CUX1: variants seen among roughly 807,000 people sequenced by gnomAD.
The protein encoded by CUX1 is cut like homeobox 1.
Under a neutral mutation model 158.8 loss-of-function variants are expected in CUX1, and 31 were observed. That is an observed-to-expected ratio of 0.20 (90% confidence interval 0.15 to 0.26). The LOEUF is 0.26. Among genes scored for constraint, CUX1 ranks in the 10% least tolerant of loss-of-function variants. CUX1 has a pLI of 1.00. For synonymous variants in CUX1, 879 were observed against 862.1 expected, an observed-to-expected ratio of 1.02 and a Z score of -0.34; for missense variants, 1,589 against 2,014.6, an observed-to-expected ratio of 0.79 and a Z score of 4.04.
intron 8 of CUX1, among the ~76,000 whole-genome samples, chr7:102,120,437 C>T (rs1172361859): frequency 2.6e-5 from 4 of 152,156 alleles, no homozygotes; most frequent in Admixed American, 6.6e-5. Context: ...GAATTTGCAC[C>T]TCCCAAACCT....
chr7:102,178,607 C>G lies in CUX1; in HGVS notation c.967C>G (p.Gln323Glu). The G allele has an allele frequency of 6.2e-7, 1 of 1,611,580 alleles. No homozygotes were observed. Among genetic ancestry groups the G allele is most frequent in the Non-Finnish European group, 8.5e-7 (1 of 1,178,872 alleles). Residue 323 changes from glutamine (Q) to glutamate (E), a missense_variant, in exon 11 of 24, where the codon CAG becomes GAG. By Grantham distance (29) the Gln-to-Glu change is conservative (BLOSUM62 2). This residue lies in a region of CUX1 where 515 missense variants were observed against 574.4 expected (regional missense o/e 0.90). Coordinates refer to ENST00000292535, the MANE Select transcript of CUX1 (RefSeq NM_181552.4). The part of the protein sequence containing the change: ...LTKLRENSAS[Q>E]ISQLEQQLSA... ...CAAGCTGCGGGAGAATTCGGCCAGCCAGATCTCACAGCTTGAGCAGCAGCT... is the reference window on the plus strand; with the variant it reads ...CAAGCTGCGGGAGAATTCGGCCAGCGAGATCTCACAGCTTGAGCAGCAGCT...
chr7:102,172,141 A>G (rs1458572919), intron 10 of CUX1, among the ~76,000 whole-genome samples: 11 of 152,134 alleles, frequency 7.2e-5, no homozygotes, highest in Admixed American at 7.2e-4. Context: ...GCTGGAGTGT[A>G]GTGGCGTGAT....
At chr7:102,144,351 G>A (rs779013119) in intron 8 of CUX1, among the ~76,000 whole-genome samples, 4 of 151,888 alleles carry the variant, frequency 2.6e-5, no homozygotes, top group African/African-American at 7.3e-5. Context: ...TCCGACGTAC[G>A]CGTGACCTGG....
At chr7:102,144,073 C>T (rs189525410) in intron 8 of CUX1, among the ~76,000 whole-genome samples, 20 of 152,168 alleles carry the variant, frequency 1.3e-4, no homozygotes, top group African/African-American at 4.3e-4. Context: ...TGAGCCACTG[C>T]GCCCAGCCAG....
chr7:102,150,718 C>T (rs1835555833), intron 8 of CUX1, among the ~76,000 whole-genome samples: 2 of 152,190 alleles, frequency 1.3e-5, no homozygotes, highest in South Asian at 4.1e-4. Flanking sequence ...CGACCTTGAC[C>T]ATGTCCTTTT....
chr7:101,922,092 TG>T (rs1202331204), intron 2 of CUX1, among the ~76,000 whole-genome samples: 1 of 152,062 alleles, frequency 6.6e-6, no homozygotes, highest in Non-Finnish European at 1.5e-5. Flanking sequence ...CACTCCAGCC[TG>T]GGCAACAAAG....
intron 14 of CUX1, among the ~76,000 whole-genome samples, chr7:102,264,372 G>A (rs1790649647): frequency 6.6e-6 from 1 of 152,232 alleles, no homozygotes; most frequent in African/African-American, 2.4e-5. Context: ...TGAGAAGGAA[G>A]GACGTTCTAG....
chr7:102,213,952 G>A (rs1554523893), intron 20 of CUX1, among the ~76,000 whole-genome samples: 1 of 152,144 alleles, frequency 6.6e-6, no homozygotes, highest in Non-Finnish European at 1.5e-5. Context: ...GGCCAACATG[G>A]CAAAACCCTG....
At chr7:102,047,281 G>A (rs1315074668) in intron 3 of CUX1, among the ~76,000 whole-genome samples, 1 of 152,064 alleles carries the variant, frequency 6.6e-6, no homozygotes, top group South Asian at 2.1e-4. Flanking sequence ...TGGATGGTGG[G>A]TGTGTGGGTG....
Position 102,256,604 on chromosome 7 carries a change from G to A in CUX1, c.*7562G>A. ...TATGTGTCTAACTTTTTAAATGAGA[G>A]TGTTTATGAACAAAAAAATTTACCA... On this transcript the variant is annotated 3_prime_UTR_variant, in exon 24 of 24. Coordinates refer to ENST00000292535, the MANE Select transcript of CUX1 (RefSeq NM_181552.4). The A allele has an allele frequency of 1.0e-6, 1 of 985,368 alleles. No individual in the cohort carries two copies. The highest frequency in any genetic ancestry group is 1.2e-6 in the Non-Finnish European group (1 of 829,928). 61.0% of individuals were successfully genotyped at this position (985,368 alleles called of 1,614,324 possible).
At chr7:101,867,612 A>T (rs1327406091) in intron 1 of CUX1, among the ~76,000 whole-genome samples, 1 of 152,176 alleles carries the variant, frequency 6.6e-6, no homozygotes, top group East Asian at 1.9e-4. Context: ...GTGCCCTCTG[A>T]AGGAGCGGGA....
At position 102,202,247 on chromosome 7, in the gene CUX1, T is replaced by A. The variant is rs371249508; in HGVS notation, c.2907+43T>A. On this transcript the variant is annotated intron_variant, in intron 18 of 23. Transcript: ENST00000292535. Reference sequence around the variant, plus strand: ...GGGGCTTTGGTTCTCCCATCTCTTCTCCTTGCTGAGGACCAAGTATCTATC... The same window carrying A: ...GGGGCTTTGGTTCTCCCATCTCTTCACCTTGCTGAGGACCAAGTATCTATC... 1.9e-6 allele frequency: 3 copies of A among 1,547,316 alleles called. No individual in the cohort carries two copies. The African/African-American group carries it at 4.1e-5, about 21-fold the overall frequency.
chr7:101,947,451 A>T (rs1808528968), intron 2 of CUX1, among the ~76,000 whole-genome samples: 1 of 152,172 alleles, frequency 6.6e-6, no homozygotes, highest in Non-Finnish European at 1.5e-5. Flanking sequence ...GAGCTTAAAT[A>T]TTTACCCCAT....
intron 8 of CUX1, among the ~76,000 whole-genome samples, chr7:102,138,013 G>A (rs782258393): frequency 1.4e-4 from 21 of 151,680 alleles, no homozygotes; most frequent in African/African-American, 4.1e-4. Context: ...TAGTGAGATC[G>A]TCTCACTAAA....
chr7:102,178,715 C>A, intron 11 of CUX1, 58 bp downstream of exon 11: 1 of 1,497,882 alleles, frequency 6.7e-7, no homozygotes, highest in South Asian at 1.3e-5. Context: ...TGGCTGGACA[C>A]ACGCGCACAC....
At position 101,872,997 on chromosome 7, in the gene CUX1, C is replaced by T. The variant is rs940225042; in HGVS notation, c.31-43118C>T. On this transcript the variant is annotated intron_variant, in intron 1 of 23. Transcript: ENST00000292535. Reference sequence around the variant, plus strand: ...AAGTGATTCTCCTGCCTCAGCCTCCCGAGTAGCTGGGATTACAGGCATGCA... The same window carrying T: ...AAGTGATTCTCCTGCCTCAGCCTCCTGAGTAGCTGGGATTACAGGCATGCA... 2.0e-5 allele frequency among the ~76,000 whole-genome samples: 3 copies of T among 151,818 alleles called. No individual in the cohort carries two copies. The East Asian group carries it at 5.8e-4, about 29-fold the overall frequency.
chr7:101,987,087 C>A (rs1041199491), intron 2 of CUX1, among the ~76,000 whole-genome samples: 10 of 152,178 alleles, frequency 6.6e-5, no homozygotes, highest in African/African-American at 2.4e-4. Context: ...TCAGGCCTTG[C>A]CACCTGGAGC....
At position 102,254,758 on chromosome 7, in the gene CUX1, G is replaced by T. The variant is rs1034022003; in HGVS notation, c.*5716G>T. 17 of 985,412 alleles carry T rather than the reference G, an allele frequency of 1.7e-5. No individual in the cohort carries two copies. The highest frequency in any genetic ancestry group is 1.2e-4 in the Admixed American group (2 of 16,270). The allele number at this position is 985,412 out of a possible 1,614,324, so 61.0% of individuals were successfully genotyped here. ...CAGGGCTTGTGCCCTGAGTGGCGAG[G>T]TGGTGACCTGAGGCCAGTGTGATGT... is the stretch of plus-strand genomic sequence containing the variant. On this transcript the variant is annotated 3_prime_UTR_variant, in exon 24 of 24. Transcript: ENST00000292535.
intron 17 of CUX1, among the ~76,000 whole-genome samples, chr7:102,277,081 C>T (rs1056247462): frequency 1.1e-4 from 16 of 152,086 alleles, no homozygotes; most frequent in African/African-American, 3.9e-4. Context: ...GGGAAGATTG[C>T]TTGAGCCCAG....
Sources: allele counts gnomAD v4.1 joint callset (sites outside exome capture counted in the v4.1 genomes callset), GRCh38; gene constraint gnomAD v4.1.1; regional missense constraint gnomAD v4.1.1; transcripts MANE v1.5; gene names NCBI Gene and HGNC (gene_info 2026-07-23, HGNC 2026-07-21).